SPINK5: variants seen among roughly 807,000 people sequenced by gnomAD.
The protein encoded by SPINK5 is serine protease inhibitor Kazal-type 5.
Under a neutral mutation model 151.8 loss-of-function variants are expected in SPINK5, and 125 were observed. The ratio of observed to expected loss-of-function variants is 0.82; its 90% CI spans 0.71 to 0.96. The LOEUF (loss-of-function observed/expected upper bound fraction) is 0.96, where lower values mean the gene tolerates loss of function less well. SPINK5 is among the 40% of genes least tolerant of loss of function. The pLI, the probability that SPINK5 is intolerant of heterozygous loss-of-function variation, is 0.00. For synonymous variants in SPINK5, 374 were observed against 395.3 expected (o/e 0.95, Z 0.64); for missense variants, 1,194 against 1,291.9 (o/e 0.92, Z 1.16).
intron 22 of SPINK5, among the ~76,000 whole-genome samples, chr5:148,117,817 AT>A (rs1394011822): frequency 6.6e-6 from 1 of 152,206 alleles, no homozygotes; most frequent in Non-Finnish European, 1.5e-5. Flanking sequence ...CCTGGAACCA[AT>A]CCCCCAAGTG....
At chr5:148,099,166 A>C (rs1474646104) in intron 11 of SPINK5, 68 bp from the exon 12 acceptor site, 9 of 1,422,628 alleles carry the variant, frequency 6.3e-6, no homozygotes, top group Non-Finnish European at 8.8e-6. Flanking sequence ...TTAACAGTGC[A>C]AGGATGTGGA....
At chr5:148,114,565 T>G (rs1754036732) in intron 21 of SPINK5, 76 bp downstream of exon 21, 1 of 1,595,770 alleles carries the variant, frequency 6.3e-7, no homozygotes, top group Non-Finnish European at 8.6e-7. Context: ...TAATATGTAT[T>G]GTGTTTGTCC....
At chr5:148,110,035 TA>T (rs1171235347) in intron 18 of SPINK5, among the ~76,000 whole-genome samples, 4 of 152,188 alleles carry the variant, frequency 2.6e-5, no homozygotes, top group Admixed American at 6.6e-5. Context: ...ACAATGTGGT[TA>T]AAAAACTGGA....
chr5:148,089,549 G>C lies in SPINK5; in HGVS notation c.530G>C (p.Arg177Thr). Reference sequence around the variant, plus strand: ...AGAGATGGAAGACTTGGATGCACAAGGGAAAATGATCCTGTTCTTGGTCCT... The same window carrying C: ...AGAGATGGAAGACTTGGATGCACAACGGAAAATGATCCTGTTCTTGGTCCT... ...FVRDGRLGCT[R>T]ENDPVLGPDG... is the part of the protein sequence containing the mutation. Residue 177 changes from arginine (R) to threonine (T), a missense_variant, in exon 7 of 33, where the codon AGG becomes ACG. Transcript: ENST00000256084. The C allele has an allele frequency of 6.2e-7, 1 of 1,612,140 alleles. No individual in the cohort carries two copies. The highest frequency in any genetic ancestry group is 8.5e-7 in the Non-Finnish European group (1 of 1,178,772).
intron 1 of SPINK5, 100 bp downstream of exon 1, chr5:148,064,199 T>G (rs1204995622): frequency 8.2e-7 from 1 of 1,220,570 alleles, no homozygotes; most frequent in Non-Finnish European, 1.2e-6. Flanking sequence ...TGTTTACGTA[T>G]GCATGTATAA....
At position 148,118,528 on chromosome 5, in the gene SPINK5, C is replaced by A. The variant is rs747065960; in HGVS notation, c.2204C>A (p.Ser735Ter). 12 of 1,613,936 alleles carry A rather than the reference C, an allele frequency of 7.4e-6. No individual in the cohort carries two copies. Among genetic ancestry groups the A allele is most frequent in the Non-Finnish European group, 1.0e-5 (12 of 1,179,994 alleles). Residue 735 changes from serine to a stop codon, truncating the protein, a stop_gained, in exon 23 of 33, where the codon TCG (serine) becomes TAG (stop). Coordinates refer to ENST00000256084, the MANE Select transcript of SPINK5 (RefSeq NM_006846.4). LOFTEE classifies it high-confidence loss of function. ...CCTGTACGTGATGCTGATGGCAAAT[C>A]GTACAACAATCAGTGTACCATGTGT... ...SDPVRDADGK[S>*]YNNQCTMCKA...
At chr5:148,125,975 A>G (rs1304702125) in intron 29 of SPINK5, 125 bp downstream of exon 29, 1 of 1,438,432 alleles carries the variant, frequency 7.0e-7, no homozygotes, top group African/African-American at 1.4e-5. Context: ...TTTAGAATTA[A>G]AGCCCTCAAA....
intron 4 of SPINK5, among the ~76,000 whole-genome samples, chr5:148,077,098 A>G (rs1229236803): frequency 6.6e-6 from 1 of 151,474 alleles, no homozygotes; most frequent in African/African-American, 2.4e-5. Flanking sequence ...ATGGAAAAAA[A>G]TTAATTTTAA....
Position 148,123,857 on chromosome 5 carries a change from A to G in SPINK5, c.2563A>G (p.Met855Val). The change falls in exon 27 of 33, where the codon ATG (methionine) becomes GTG (valine). Residue 855 changes from methionine to valine, a missense_variant. Physicochemically the swap from Met to Val is conservative, Grantham distance 21 (BLOSUM62 1). Transcript: ENST00000256084. ...KEDLCREFRS[M>V]QRNGKLICTR... ...GGATCTGTGTCGTGAATTTCGAAGC[A>G]TGCAGAGAAATGGAAAGCTTATCTG... is the stretch of plus-strand genomic sequence containing the variant. 6.2e-7 allele frequency: 1 copy of G among 1,614,038 alleles called. No homozygotes were observed. The highest frequency in any genetic ancestry group is 8.5e-7 in the Non-Finnish European group (1 of 1,179,990).
intron 4 of SPINK5, among the ~76,000 whole-genome samples, chr5:148,080,243 A>C (rs1207804036): frequency 6.6e-6 from 1 of 151,374 alleles, no homozygotes; most frequent in Non-Finnish European, 1.5e-5. Context: ...AAAGATCCAA[A>C]TAACTAGTGA....
At position 148,107,176 on chromosome 5, in the gene SPINK5, C is replaced by T; in HGVS notation, c.1607+12C>T. On this transcript the variant is annotated intron_variant, in intron 17 of 32. Transcript: ENST00000256084. ...TGTGCCAGTGTGTTGTGAGTGTCCA[C>T]CCCATCTCTCCCACTGAATTTCTTC... 1.2e-6 allele frequency: 2 copies of T among 1,609,854 alleles called. No homozygotes were observed. The highest frequency in any genetic ancestry group is 1.1e-5 in the South Asian group (1 of 90,912).
At chr5:148,089,450 A>G in intron 6 of SPINK5, 44 bp from the exon 7 acceptor site, 1 of 1,610,926 alleles carries the variant, frequency 6.2e-7, no homozygotes. Flanking sequence ...TGTTGTCAGC[A>G]TTACAATCTT....
Position 148,097,916 on chromosome 5 carries a change from G to T in SPINK5, c.932G>T (p.Cys311Phe). The T allele has an allele frequency of 6.2e-7, 1 of 1,612,236 alleles. No individual in the cohort carries two copies. Among genetic ancestry groups the T allele is most frequent in the East Asian group, 2.2e-5 (1 of 44,784 alleles). The stretch of plus-strand genomic sequence containing the variant: ...CAGGCAAAGAATGGAATACTTTTCT[G>T]TACCAGAGAAAATGACCCTATTCGT... The part of the protein sequence containing the change: ...QNQAKNGILF[C>F]TRENDPIRGP... The change falls in exon 11 of 33, where the codon TGT (cysteine) becomes TTT (phenylalanine). Residue 311 changes from cysteine (C) to phenylalanine (F), a missense_variant. Cys to Phe is a radical substitution (Grantham distance 205). Transcript: ENST00000256084.
intron 16 of SPINK5, 107 bp downstream of exon 16, chr5:148,105,107 GAAAT>G: frequency 8.0e-7 from 1 of 1,242,526 alleles, no homozygotes; most frequent in Non-Finnish European, 1.1e-6. Flanking sequence ...TTTCATGCCT[GAAAT>G]AAATGAAGAA....
Position 148,079,531 on chromosome 5 carries a change from T to A in SPINK5, c.283-6874T>A, listed in dbSNP as rs184296585. ...AACAAGACACTGGCTGGCAAATGAA[T>A]CTGCAATATGAAAAAAATAAATCAT... is the stretch of plus-strand genomic sequence containing the variant. On this transcript the variant is annotated intron_variant, in intron 4 of 32. Coordinates refer to ENST00000256084, the MANE Select transcript of SPINK5 (RefSeq NM_006846.4). 4.0e-5 allele frequency among the ~76,000 whole-genome samples: 6 copies of A among 151,150 alleles called. No individual in the cohort carries two copies. In the East Asian group the frequency reaches 1.2e-3, roughly 30 times the overall value.
rs1325290627 is a variant in SPINK5 at position 148,137,166 on chromosome 5, CCTAGA to C, written c.*178_*182del. 1.2e-6 allele frequency: 1 copy of C among 807,828 alleles called. No individual in the cohort carries two copies. 50.0% of individuals were successfully genotyped at this position (807,828 alleles called of 1,614,324 possible). The stretch of plus-strand genomic sequence containing the variant: ...TTTCAGTCTTTTCCATCTCTTTCCT[CCTAGA>C]CTCTGTGATCTGAGGGTATAAAGAC... On this transcript the variant is annotated 3_prime_UTR_variant, in exon 33 of 33. Transcript: ENST00000256084.
intron 4 of SPINK5, among the ~76,000 whole-genome samples, chr5:148,078,243 A>G (rs1257377507): frequency 1.3e-5 from 2 of 151,266 alleles, no homozygotes; most frequent in Non-Finnish European, 3.0e-5. Flanking sequence ...GCAATATAAC[A>G]ATGATAAATG....
intron 18 of SPINK5, among the ~76,000 whole-genome samples, 198 bp from the exon 19 acceptor site, chr5:148,111,570 C>T (rs1753928663): frequency 6.6e-6 from 1 of 152,138 alleles, no homozygotes; most frequent in Non-Finnish European, 1.5e-5. Flanking sequence ...TGAAGGTTTT[C>T]TAATGAGATA....
chr5:148,137,315 G>A lies in SPINK5; in HGVS notation c.*324G>A. 3 of 423,454 alleles carry A rather than the reference G, an allele frequency of 7.1e-6. No homozygotes were observed. The highest frequency in any genetic ancestry group is 1.3e-5 in the Non-Finnish European group (3 of 233,164). 26.2% of individuals were successfully genotyped at this position (423,454 alleles called of 1,614,324 possible). On this transcript the variant is annotated 3_prime_UTR_variant, in exon 33 of 33. Coordinates refer to ENST00000256084, the MANE Select transcript of SPINK5 (RefSeq NM_006846.4). ...TTCTGGGATTTCTTTGTCACTATCT[G>A]GATAATAGATATTTGCTTTTAAAGA...
Sources: allele counts gnomAD v4.1 joint callset (sites outside exome capture counted in the v4.1 genomes callset), GRCh38; gene constraint gnomAD v4.1.1; transcripts MANE v1.5; gene names NCBI Gene and HGNC (gene_info 2026-07-23, HGNC 2026-07-21).